Variants in PDE1C observed in about 807,000 individuals in gnomAD.
The protein encoded by PDE1C is dual specificity calcium/calmodulin-dependent 3',5'-cyclic nucleotide phosphodiesterase 1C.
PDE1C carries 62 observed loss-of-function variants against 93.1 expected under a neutral mutation model. The ratio of observed to expected loss-of-function variants is 0.67; its 90% CI spans 0.54 to 0.82. The LOEUF is 0.82. Ranked by LOEUF, PDE1C falls within the 40% of genes least tolerant of loss-of-function variation. The pLI is 0.00. For synonymous variants in PDE1C, 325 were observed against 310.1 expected (o/e 1.05, Z -0.50); for missense variants, 742 against 884.6 (o/e 0.84, Z 2.04).
chr7:32,043,214 T>C (rs545794084), intron 2 of PDE1C, among the ~76,000 whole-genome samples: 23 of 152,270 alleles, frequency 1.5e-4, no homozygotes, highest in African/African-American at 4.8e-4. Context: ...ACCTACTCCA[T>C]TGGACCAGTG....
At chr7:32,051,328 C>G (rs555720314) in intron 2 of PDE1C, among the ~76,000 whole-genome samples, 1 of 152,134 alleles carries the variant, frequency 6.6e-6, no homozygotes, top group African/African-American at 2.4e-5. Flanking sequence ...GCTTTTGAGC[C>G]CACAGGATCT....
At chr7:32,238,062 A>G (rs1808264318) in intron 1 of PDE1C, among the ~76,000 whole-genome samples, 1 of 152,058 alleles carries the variant, frequency 6.6e-6, no homozygotes, top group African/African-American at 2.4e-5. Flanking sequence ...AAACCACCAC[A>G]CCTGGCCAAA....
intron 2 of PDE1C, among the ~76,000 whole-genome samples, chr7:31,995,648 G>T (rs1177927919): frequency 1.3e-5 from 2 of 152,030 alleles, no homozygotes; most frequent in Middle Eastern, 6.8e-3. Flanking sequence ...CTAGTTCCTC[G>T]TGGGCAAGAA....
intron 3 of PDE1C, among the ~76,000 whole-genome samples, chr7:32,142,224 C>A (rs541308960): frequency 6.7e-4 from 101 of 151,820 alleles, no homozygotes; most frequent in Non-Finnish European, 1.2e-3. Context: ...GGAGAAGGAA[C>A]AATAGGAAGA....
chr7:31,935,136 C>G (rs550580205), intron 2 of PDE1C, among the ~76,000 whole-genome samples: 1 of 152,214 alleles, frequency 6.6e-6, no homozygotes, highest in East Asian at 1.9e-4. Context: ...ATAGTGCTAG[C>G]GTTGATACAG....
chr7:31,637,786 G>A, the PDE1C span, among the ~76,000 whole-genome samples: 5 of 152,166 alleles, frequency 3.3e-5, no homozygotes, highest in African/African-American at 1.2e-4. Flanking sequence ...ATTGCTTTTA[G>A]TGTTTTAGAC....
intron 15 of PDE1C, among the ~76,000 whole-genome samples, chr7:31,814,081 TACACACAC>T (rs141676874): frequency 1.3e-5 from 2 of 149,430 alleles, no homozygotes; most frequent in African/African-American, 4.9e-5. Context: ...CATATATATG[TACACACAC>T]ACACACACAC....
intron 1 of PDE1C, among the ~76,000 whole-genome samples, chr7:32,242,700 A>G (rs1808630395): frequency 6.6e-6 from 1 of 152,176 alleles, no homozygotes; most frequent in South Asian, 2.1e-4. Context: ...AGGAGGATGC[A>G]AGAACAATGG....
intron 16 of PDE1C, among the ~76,000 whole-genome samples, chr7:31,793,241 T>G (rs988383298): frequency 1.3e-5 from 2 of 152,092 alleles, no homozygotes; most frequent in African/African-American, 4.8e-5. Flanking sequence ...CAATTTAACA[T>G]GACTTGATTC....
chr7:32,142,319 C>T (rs759698133), intron 3 of PDE1C, among the ~76,000 whole-genome samples: 55 of 152,230 alleles, frequency 3.6e-4, no homozygotes, highest in Non-Finnish European at 6.6e-4. Flanking sequence ...AATAACATCG[C>T]AATAGCAGAA....
intron 16 of PDE1C, chr7:31,784,677 G>A (rs957530463): frequency 2.0e-5 from 3 of 151,772 alleles, no homozygotes; most frequent in Admixed American, 2.0e-4. Flanking sequence ...TTAGATGAGG[G>A]GAATCTGGTT....
At chr7:32,317,173 GTC>G (rs1323862664) in intron 1 of PDE1C, among the ~76,000 whole-genome samples, 65 of 152,192 alleles carry the variant, frequency 4.3e-4, no homozygotes, top group Admixed American at 4.2e-3. Flanking sequence ...TAAAGATTAG[GTC>G]TTAGTTTAAT....
intron 1 of PDE1C, among the ~76,000 whole-genome samples, chr7:32,218,835 C>T (rs1806625861): frequency 6.6e-6 from 1 of 152,308 alleles, no homozygotes; most frequent in African/African-American, 2.4e-5. Flanking sequence ...GTTGACTCTA[C>T]AGGGCCCTCC....
At chr7:32,007,057 T>TTTAA (rs1786366281) in intron 2 of PDE1C, among the ~76,000 whole-genome samples, 1 of 152,242 alleles carries the variant, frequency 6.6e-6, no homozygotes, top group Admixed American at 6.5e-5. Flanking sequence ...TTAATTTTTA[T>TTTAA]GACATTTAAG....
At chr7:31,964,853 G>T (rs80241632) in intron 2 of PDE1C, among the ~76,000 whole-genome samples, 1 of 152,200 alleles carries the variant, frequency 6.6e-6, no homozygotes, top group African/African-American at 2.4e-5. Flanking sequence ...ACAGGGTCTG[G>T]AGTGGACCTC....
chr7:32,367,962 A>C (rs1034462666), intron 1 of PDE1C, among the ~76,000 whole-genome samples: 6 of 151,942 alleles, frequency 3.9e-5, no homozygotes, highest in Non-Finnish European at 7.4e-5. Flanking sequence ...AAAAAAAATC[A>C]ACACCCCTTC....
intron 1 of PDE1C, among the ~76,000 whole-genome samples, chr7:32,239,045 T>C (rs1223008109): frequency 6.6e-6 from 1 of 152,160 alleles, no homozygotes; most frequent in African/African-American, 2.4e-5. Flanking sequence ...GGCAGCAGAA[T>C]TGCTTGAGGC....
chr7:31,685,659 G>A, the PDE1C span, among the ~76,000 whole-genome samples: 4 of 152,138 alleles, frequency 2.6e-5, no homozygotes, highest in East Asian at 3.8e-4. Flanking sequence ...CATGGCACAC[G>A]TTTACCTATG....
intron 1 of PDE1C, among the ~76,000 whole-genome samples, chr7:32,281,710 A>G (rs1811640882): frequency 6.6e-6 from 1 of 152,250 alleles, no homozygotes; most frequent in Non-Finnish European, 1.5e-5. Flanking sequence ...CTTTAAAGAA[A>G]TACAGATGCA....
Sources: allele counts gnomAD v4.1 joint callset (sites outside exome capture counted in the v4.1 genomes callset), GRCh38; gene constraint gnomAD v4.1.1; transcripts MANE v1.5; gene names NCBI Gene and HGNC (gene_info 2026-07-23, HGNC 2026-07-21).